Variants in NDUFA3 observed in about 807,000 individuals in gnomAD.
NDUFA3 encodes the protein NADH:ubiquinone oxidoreductase subunit A3, also known as NADH dehydrogenase [ubiquinone] 1 alpha subcomplex subunit 3.
In NDUFA3, 10 loss-of-function variants were observed where a neutral mutation model predicts 11.4. That is an observed-to-expected ratio of 0.87 (90% CI 0.54 to 1.48). The LOEUF is 1.48. Among genes scored for constraint, NDUFA3 ranks in the 40% most tolerant of loss-of-function variants. NDUFA3 has a pLI of 0.00. For synonymous variants in NDUFA3, 39 were observed against 46.9 expected, an observed-to-expected ratio of 0.83 and a Z score of 0.68; for missense variants, 115 against 110.5, an observed-to-expected ratio of 1.04 and a Z score of -0.18.
chr19:54,105,871 C>A, intron 2 of NDUFA3, 63 bp from the exon 3 acceptor site: 2 of 1,423,708 alleles, frequency 1.4e-6, no homozygotes, highest in Non-Finnish European at 2.0e-6. Context: ...CCAAGGCTCA[C>A]CTTCTCTTCC....
intron 2 of NDUFA3, among the ~76,000 whole-genome samples, chr19:54,103,644 C>G (rs973548679): frequency 6.6e-6 from 1 of 152,004 alleles, no homozygotes; most frequent in East Asian, 1.9e-4. Context: ...TAATTAGCAC[C>G]GGAGTTCCTG....
At chr19:54,105,753 G>A (rs1408574203) in intron 2 of NDUFA3, 181 bp from the exon 3 acceptor site, 5 of 674,056 alleles carry the variant, frequency 7.4e-6, no homozygotes, top group Non-Finnish European at 1.4e-5. Context: ...CCAAAAAAGA[G>A]TTTTAAACCC....
chr19:54,106,925 C>T lies in NDUFA3; in HGVS notation c.*23C>T, dbSNP rs746012175. 6.2e-7 allele frequency: 1 copy of T among 1,605,014 alleles called. No homozygotes were observed. Among genetic ancestry groups the T allele is most frequent in the Non-Finnish European group, 8.5e-7 (1 of 1,175,656 alleles). ...TGAGCACCTCCACTGACAGAGGCGG[C>T]CCCTCCCACGGCTCCCAATAAAAAT... On this transcript the variant is annotated 3_prime_UTR_variant, in exon 4 of 4. Transcript: ENST00000485876.
chr19:54,103,258 C>T, intron 2 of NDUFA3, 70 bp downstream of exon 2: 1 of 1,450,658 alleles, frequency 6.9e-7, no homozygotes, highest in South Asian at 1.4e-5. Flanking sequence ...CATCTTGTAC[C>T]CCTAAAGCCC....
intron 2 of NDUFA3, 119 bp from the exon 3 acceptor site, chr19:54,105,815 T>C: frequency 1.2e-6 from 1 of 816,684 alleles, no homozygotes; most frequent in Non-Finnish European, 2.1e-6. Flanking sequence ...CTGGACGTGC[T>C]GGCCCTCCCT....
intron 1 of NDUFA3, 84 bp downstream of exon 1, chr19:54,102,972 AGGGGTGGAAGCGATG>A: frequency 6.4e-7 from 1 of 1,563,282 alleles, no homozygotes; most frequent in Non-Finnish European, 8.7e-7. Context: ...GCGGCAGGGC[AGGGGTGGAAGCGATG>A]GGGTCCGTGC....
chr19:54,104,852 T>G (rs1347144879), intron 2 of NDUFA3, among the ~76,000 whole-genome samples: 1 of 151,536 alleles, frequency 6.6e-6, no homozygotes, highest in Non-Finnish European at 1.5e-5. Context: ...GATTCTCCTG[T>G]CTCAGCCTCC....
intron 2 of NDUFA3, among the ~76,000 whole-genome samples, chr19:54,105,432 C>T (rs1376203537): frequency 6.6e-6 from 1 of 151,766 alleles, no homozygotes; most frequent in Non-Finnish European, 1.5e-5. Flanking sequence ...CCACGCCCGG[C>T]TAATTTTCGT....
intron 2 of NDUFA3, among the ~76,000 whole-genome samples, chr19:54,103,801 C>G (rs2073168605): frequency 6.6e-6 from 1 of 152,012 alleles, no homozygotes. Flanking sequence ...GCCTCAGCCT[C>G]CCGAGTAGCT....
intron 2 of NDUFA3, among the ~76,000 whole-genome samples, 173 bp downstream of exon 2, chr19:54,103,361 C>T (rs587597048): frequency 6.6e-6 from 1 of 152,222 alleles, no homozygotes; most frequent in South Asian, 2.1e-4. Flanking sequence ...CCACCATCGC[C>T]CCCCGCGTTC....
intron 2 of NDUFA3, 55 bp downstream of exon 2, chr19:54,103,243 C>T (rs1662708252): frequency 3.3e-6 from 5 of 1,518,150 alleles, no homozygotes; most frequent in East Asian, 2.3e-5. Flanking sequence ...CCCCCTACAT[C>T]CCTCCATCTT....
Position 54,107,042 on chromosome 19 carries a change from G to C in NDUFA3, c.*140G>C, listed in dbSNP as rs757257456. On this transcript the variant is annotated 3_prime_UTR_variant, in exon 4 of 4. Transcript: ENST00000485876. The stretch of plus-strand genomic sequence containing the variant: ...GGGTGAGTGTGGGGTCAGTTTATTG[G>C]GCATGCGTCAGTCAGAGGCTGGGCT... 1.2e-6 allele frequency: 2 copies of C among 1,613,262 alleles called. No homozygotes were observed. Among genetic ancestry groups the C allele is most frequent in the Non-Finnish European group, 1.7e-6 (2 of 1,179,730 alleles).
intron 2 of NDUFA3, among the ~76,000 whole-genome samples, chr19:54,103,527 G>A (rs1263372538): frequency 6.6e-6 from 1 of 152,106 alleles, no homozygotes; most frequent in East Asian, 1.9e-4. Flanking sequence ...CTTGGGTGGA[G>A]GTGGGACTGG....
At chr19:54,103,405 T>C (rs766471961) in intron 2 of NDUFA3, among the ~76,000 whole-genome samples, 1 of 152,064 alleles carries the variant, frequency 6.6e-6, no homozygotes, top group Non-Finnish European at 1.5e-5. Context: ...TTAACCCCTC[T>C]AAATGAGACG....
chr19:54,103,026 G>T (rs2073133644), intron 1 of NDUFA3, 88 bp from the exon 2 acceptor site: 19 of 1,536,564 alleles, frequency 1.2e-5, no homozygotes, highest in Non-Finnish European at 1.6e-5. Context: ...TCACGAGGGG[G>T]CTCCTCCAGG....
At position 54,106,808 on chromosome 19, in the gene NDUFA3, C is replaced by T. The variant is rs2073275303; in HGVS notation, c.164-3C>T. The T allele has an allele frequency of 6.2e-7, 1 of 1,608,626 alleles. No individual in the cohort carries two copies. The highest frequency in any genetic ancestry group is 8.5e-7 in the Non-Finnish European group (1 of 1,177,664). On this transcript the variant is annotated splice_polypyrimidine_tract_variant and splice_region_variant and intron_variant, in intron 3 of 3. Transcript: ENST00000485876. ...TCTCAGTGGCCCACCTCCTGCCCCA[C>T]AGTGCCCGTCCGTGATGATGGGAAC...
intron 1 of NDUFA3, 55 bp from the exon 2 acceptor site, chr19:54,103,059 A>C: frequency 6.3e-7 from 1 of 1,587,494 alleles, no homozygotes; most frequent in South Asian, 1.1e-5. Context: ...CGAGAGGGTT[A>C]GAGGTCACCG....
intron 2 of NDUFA3, among the ~76,000 whole-genome samples, chr19:54,103,927 G>A (rs1233194709): frequency 6.6e-6 from 1 of 151,922 alleles, no homozygotes; most frequent in Non-Finnish European, 1.5e-5. Context: ...CCCGCCTTCC[G>A]GGTTCACGCC....
Position 54,104,037 on chromosome 19 carries a change from G to C in NDUFA3, c.85+849G>C, listed in dbSNP as rs587674496. On this transcript the variant is annotated intron_variant, in intron 2 of 3. Coordinates refer to ENST00000485876, the MANE Select transcript of NDUFA3 (RefSeq NM_004542.4). ...TTCAATAGAGACGGGGTTTCACCGT[G>C]TTAGCCAGGATGGTCTCGATCTCCT... 5.3e-5 allele frequency among the ~76,000 whole-genome samples: 8 copies of C among 151,094 alleles called. No individual in the cohort carries two copies. The South Asian group carries it at 1.3e-3, about 24-fold the overall frequency.
Sources: gnomAD v4.1 joint callset for allele counts (sites outside exome capture counted in the v4.1 genomes callset) on GRCh38, gnomAD v4.1.1 for gene constraint, MANE v1.5 for transcripts, NCBI Gene and HGNC (gene_info 2026-07-23, HGNC 2026-07-21) for gene names.